The following FAM13A variants were observed in gnomAD, a reference collection of about 807,000 sequenced individuals.
The protein encoded by FAM13A is family with sequence similarity 13 member A, also known as protein FAM13A.
Under a neutral mutation model 129.6 loss-of-function variants are expected in FAM13A, and 76 were observed. That is an observed-to-expected ratio of 0.59 (90% CI 0.49 to 0.71). The LOEUF (loss-of-function observed/expected upper bound fraction) is 0.71. Among genes scored for constraint, FAM13A ranks in the 30% least tolerant of loss-of-function variants. The pLI is 0.00. For synonymous variants in FAM13A, 443 were observed against 449.9 expected, an observed-to-expected ratio of 0.98 and a Z score of 0.20; for missense variants, 1,108 against 1,249.3, an observed-to-expected ratio of 0.89 and a Z score of 1.70.
intron 10 of FAM13A, among the ~76,000 whole-genome samples, chr4:88,783,490 G>A (rs1282702775): frequency 6.6e-6 from 1 of 151,876 alleles, no homozygotes; most frequent in East Asian, 1.9e-4. Flanking sequence ...GTAGAGATGG[G>A]GTTTCATCAT....
chr4:88,852,522 G>A (rs1737765470), intron 6 of FAM13A, among the ~76,000 whole-genome samples: 1 of 152,058 alleles, frequency 6.6e-6, no homozygotes, highest in Non-Finnish European at 1.5e-5. Flanking sequence ...CTACCACATA[G>A]TCTACCCTTG....
chr4:88,760,433 C>T (rs571628715), intron 13 of FAM13A, among the ~76,000 whole-genome samples: 4 of 51,404 alleles, frequency 7.8e-5, no homozygotes, highest in South Asian at 4.7e-4. Flanking sequence ...TGAAACCCCG[C>T]CTCTACTAAA....
At chr4:88,757,252 AAAT>A (rs1297961047) in intron 14 of FAM13A, among the ~76,000 whole-genome samples, 3 of 152,206 alleles carry the variant, frequency 2.0e-5, no homozygotes, top group Admixed American at 2.0e-4. Flanking sequence ...ACCAAGATAA[AAAT>A]AACAAACTGA....
intron 6 of FAM13A, among the ~76,000 whole-genome samples, chr4:88,862,354 G>T (rs563728450): frequency 1.0e-3 from 154 of 152,118 alleles, no homozygotes; most frequent in Non-Finnish European, 1.7e-3. Flanking sequence ...AACAGAGGGA[G>T]CAAAGGCATA....
At chr4:89,006,929 A>G (rs1765123143) in intron 3 of FAM13A, among the ~76,000 whole-genome samples, 1 of 152,076 alleles carries the variant, frequency 6.6e-6, no homozygotes, top group Non-Finnish European at 1.5e-5. Flanking sequence ...CTCGACATTC[A>G]ACCACTTGTC....
At chr4:88,873,344 A>T (rs1421467276) in intron 6 of FAM13A, among the ~76,000 whole-genome samples, 4 of 152,178 alleles carry the variant, frequency 2.6e-5, no homozygotes, top group African/African-American at 9.7e-5. Context: ...AAATTAATGA[A>T]TCCAGGAGCT....
intron 7 of FAM13A, among the ~76,000 whole-genome samples, chr4:88,808,927 C>T (rs1321217019): frequency 6.6e-6 from 1 of 152,048 alleles, no homozygotes; most frequent in African/African-American, 2.4e-5. Flanking sequence ...AAATAACAGT[C>T]TAAATCTAAG....
intron 11 of FAM13A, among the ~76,000 whole-genome samples, chr4:88,778,399 G>A (rs1007414302): frequency 2.6e-5 from 4 of 152,158 alleles, no homozygotes; most frequent in Non-Finnish European, 5.9e-5. Context: ...GAATCTGTCA[G>A]GTGATTTTGT....
chr4:88,777,850 TTTTGCTAATTTCAATGGTTGAACTCGCA>T (rs1722084871), intron 11 of FAM13A, among the ~76,000 whole-genome samples: 1 of 152,128 alleles, frequency 6.6e-6, no homozygotes, highest in African/African-American at 2.4e-5. Flanking sequence ...GGGAGCGACA[TTTTGCTAATTTCAATGGTTGAACTCGCA>T]GTCTTTTACT....
At chr4:88,983,096 C>T (rs1463358846) in intron 4 of FAM13A, among the ~76,000 whole-genome samples, 2 of 152,168 alleles carry the variant, frequency 1.3e-5, no homozygotes, top group Admixed American at 1.3e-4. Context: ...GGCAGTTCAA[C>T]TTCTGCCTAA....
At position 88,747,896 on chromosome 4, in the gene FAM13A, T is replaced by C. The variant is rs542008436; in HGVS notation, c.2162-45A>G. On this transcript the variant is annotated intron_variant, in intron 17 of 23. Transcript: ENST00000264344. ...GGTAAAGATATATGAGATTTATTTA[T>C]TTATTTATTTTGAGATGGAGTCTCG... The C allele has an allele frequency of 3.6e-6, 5 of 1,373,720 alleles. No homozygotes were observed. In the African/African-American group the frequency reaches 4.4e-5, roughly 12 times the overall value. The allele number at this position is 1,373,720 out of a possible 1,614,324, so 85.1% of individuals were successfully genotyped here.
chr4:88,765,091 A>G (rs1745485575), intron 13 of FAM13A, among the ~76,000 whole-genome samples: 1 of 152,206 alleles, frequency 6.6e-6, no homozygotes, highest in Non-Finnish European at 1.5e-5. Flanking sequence ...CACAGTTGTA[A>G]CTTCATTTGC....
intron 3 of FAM13A, among the ~76,000 whole-genome samples, chr4:89,003,429 G>A (rs528893584): frequency 1.8e-4 from 28 of 152,104 alleles, no homozygotes; most frequent in Non-Finnish European, 3.5e-4. Context: ...TGGCCAACAT[G>A]GGGAAACCCT....
chr4:88,970,091 T>G (rs1189137074), intron 4 of FAM13A, among the ~76,000 whole-genome samples: 2 of 152,246 alleles, frequency 1.3e-5, no homozygotes, highest in Admixed American at 1.3e-4. Flanking sequence ...AAATATCTGC[T>G]GAATGTATGA....
chr4:88,737,327 T>C, intron 21 of FAM13A, 145 bp downstream of exon 21: 2 of 681,476 alleles, frequency 2.9e-6, no homozygotes, highest in Non-Finnish European at 5.3e-6. Flanking sequence ...AAGTTGGTTA[T>C]ATGTAGCTAC....
intron 4 of FAM13A, among the ~76,000 whole-genome samples, chr4:88,955,738 G>A (rs916806833): frequency 1.3e-4 from 20 of 152,136 alleles, no homozygotes; most frequent in Non-Finnish European, 2.4e-4. Flanking sequence ...AAGGTGACTC[G>A]TCATGCTTTA....
At chr4:88,877,262 C>T (rs1742694359) in intron 6 of FAM13A, among the ~76,000 whole-genome samples, 1 of 152,066 alleles carries the variant, frequency 6.6e-6, no homozygotes, top group Non-Finnish European at 1.5e-5. Flanking sequence ...TAGGTTTAAA[C>T]ACCATAAATA....
At chr4:88,809,310 A>C (rs899066951) in intron 7 of FAM13A, among the ~76,000 whole-genome samples, 4 of 152,160 alleles carry the variant, frequency 2.6e-5, no homozygotes, top group African/African-American at 9.6e-5. Context: ...TCAACTTTCT[A>C]ATTGGTTAAT....
At chr4:88,911,018 A>G (rs1326702949) in intron 5 of FAM13A, among the ~76,000 whole-genome samples, 1 of 152,184 alleles carries the variant, frequency 6.6e-6, no homozygotes, top group Non-Finnish European at 1.5e-5. Flanking sequence ...TCATAAATAC[A>G]TTATATCCAC....
Sources: gnomAD v4.1 joint callset for allele counts (sites outside exome capture counted in the v4.1 genomes callset) on GRCh38, gnomAD v4.1.1 for gene constraint, MANE v1.5 for transcripts, NCBI Gene and HGNC (gene_info 2026-07-23, HGNC 2026-07-21) for gene names.